The following RBM42 variants were observed in gnomAD, a reference collection of about 807,000 sequenced individuals.
RBM42 encodes RNA-binding protein 42.
Under a neutral mutation model 41.4 loss-of-function variants are expected in RBM42, and 21 were observed. That is an observed-to-expected ratio of 0.51 (90% confidence interval 0.36 to 0.73). The LOEUF (loss-of-function observed/expected upper bound fraction) is 0.73. Among genes scored for constraint, RBM42 ranks in the 30% least tolerant of loss-of-function variants. RBM42 has a pLI of 0.00. For synonymous variants in RBM42, 272 were observed against 271.2 expected, an observed-to-expected ratio of 1.00 and a Z score of -0.03; for missense variants, 539 against 680.4, an observed-to-expected ratio of 0.79 and a Z score of 2.31.
chr19:35,629,314 T>C (rs756628401), intron 1 of RBM42, 33 bp downstream of exon 1: 1 of 1,496,186 alleles, frequency 6.7e-7, no homozygotes, highest in South Asian at 1.2e-5. Context: ...ATAAAAGTCG[T>C]CCCAGAGCCA....
intron 4 of RBM42, among the ~76,000 whole-genome samples, chr19:35,632,088 G>A (rs373910023): frequency 1.3e-5 from 2 of 152,184 alleles, no homozygotes; most frequent in African/African-American, 4.8e-5. Flanking sequence ...TTACTTGGAT[G>A]TAAAATTCTG....
intron 4 of RBM42, among the ~76,000 whole-genome samples, chr19:35,632,247 A>G (rs1421828021): frequency 6.6e-6 from 1 of 152,114 alleles, no homozygotes; most frequent in African/African-American, 2.4e-5. Flanking sequence ...TCCCCTGCCC[A>G]GCTTCCAACC....
At chr19:35,635,040 C>A (rs983277816) in intron 8 of RBM42, among the ~76,000 whole-genome samples, 2 of 151,896 alleles carry the variant, frequency 1.3e-5, no homozygotes, top group Non-Finnish European at 2.9e-5. Context: ...TTTGGCCAGG[C>A]ACGGTGGCTC....
At chr19:35,636,135 T>C (rs1372721658) in intron 8 of RBM42, among the ~76,000 whole-genome samples, 1 of 151,860 alleles carries the variant, frequency 6.6e-6, no homozygotes, top group Admixed American at 6.6e-5. Flanking sequence ...AGCCTGGTTT[T>C]GTTTTGTTTC....
In RBM42 at chr19:35,634,312, G is replaced by A; in HGVS notation, c.1074G>A (p.Arg358=). The part of the protein sequence containing the change: ...KKKGKPEKLK[R]CIRTAAGSSW... ...AGGGGAAGCCAGAGAAATTGAAACG[G>A]TGCATTCGCACAGCGGCAGGGAGCA... The change falls in exon 8 of 10, where the codon CGG becomes CGA. Residue 358 remains arginine (R), a synonymous_variant. Transcript: ENST00000262633. 1 of 1,614,218 alleles carries A rather than the reference G, an allele frequency of 6.2e-7. No individual in the cohort carries two copies.
At chr19:35,636,309 C>T (rs555620484) in intron 8 of RBM42, among the ~76,000 whole-genome samples, 2 of 152,210 alleles carry the variant, frequency 1.3e-5, no homozygotes, top group Admixed American at 6.5e-5. Flanking sequence ...CAGGCACCCA[C>T]CACCACACCC....
intron 8 of RBM42, among the ~76,000 whole-genome samples, chr19:35,635,835 T>C (rs1239489506): frequency 6.6e-6 from 1 of 152,164 alleles, no homozygotes; most frequent in East Asian, 1.9e-4. Context: ...TATATCTTAA[T>C]AAGAACGGTC....
At chr19:35,634,217 A>G (rs770283951) in intron 7 of RBM42, 39 bp from the exon 8 acceptor site, 4 of 1,601,284 alleles carry the variant, frequency 2.5e-6, no homozygotes, top group Non-Finnish European at 3.4e-6. Flanking sequence ...GGGAGACCCC[A>G]ATACCAACCC....
chr19:35,633,863 C>G lies in RBM42; in HGVS notation c.861C>G (p.Ala287=). Residue 287 remains alanine, a synonymous_variant, in exon 7 of 10, where the codon GCC becomes GCG. Transcript: ENST00000262633. ...TCATTGGGCCCAGCCTGCCGCTGGC[C>G]CTGGCCATGCCATTGCCCGAGCCTG... ...PAVIGPSLPL[A]LAMPLPEPEP... 1.3e-6 allele frequency: 2 copies of G among 1,586,556 alleles called. No homozygotes were observed. Among genetic ancestry groups the G allele is most frequent in the Non-Finnish European group, 1.7e-6 (2 of 1,170,138 alleles).
chr19:35,637,036 A>T lies in RBM42; in HGVS notation c.1136-122A>T, dbSNP rs767852642. ...GGCGCAGGGTCAGTAGGTGTTGACC[A>T]TTATTACTAAGAGGTCCCTAGGCAG... On this transcript the variant is annotated intron_variant, in intron 8 of 9. Transcript: ENST00000262633. The surrounding 1 kb of genome is among the most constrained non-coding windows in gnomAD (Gnocchi z 7.0). 5 of 893,382 alleles carry T rather than the reference A, an allele frequency of 5.6e-6. No homozygotes were observed. The highest frequency in any genetic ancestry group is 2.7e-5 in the Admixed American group (1 of 36,852). The allele number at this position is 893,382 out of a possible 1,614,324, so 55.3% of individuals were successfully genotyped here. A position where few individuals can be genotyped will look rare whatever the true frequency, so the allele number is the denominator to read the frequency against.
In RBM42 at chr19:35,633,981, C is replaced by CCCCAGG. The variant is rs1236548099; in HGVS notation, c.980_981insCCAGGC (p.Pro327_Arg328insGlnAla). ...GTCCCTGCGTCCTCGGCCCCGGCCCCCTCGGCCAGAGCCACCCCCAGGCCT... is the reference window on the plus strand; with the variant it reads ...GTCCCTGCGTCCTCGGCCCCGGCCCCCCCAGGCTCGGCCAGAGCCACCCCCAGGCCT... On this transcript the variant is annotated inframe_insertion, in exon 7 of 10. Coordinates refer to ENST00000262633, the MANE Select transcript of RBM42 (RefSeq NM_024321.5). The CCCCAGG allele has an allele frequency of 5.9e-6, 9 of 1,536,466 alleles. No homozygotes were observed. Among genetic ancestry groups the CCCCAGG allele is most frequent in the Non-Finnish European group, 7.8e-6 (9 of 1,146,816 alleles).
At chr19:35,631,718 C>T in intron 4 of RBM42, 1 of 406,362 alleles carries the variant, frequency 2.5e-6, no homozygotes, top group Non-Finnish European at 4.5e-6. Context: ...ATAAAAGCTC[C>T]ATGAGGGGCA....
chr19:35,629,709 C>G (rs765537867), intron 2 of RBM42, 36 bp downstream of exon 2: 1 of 1,609,926 alleles, frequency 6.2e-7, no homozygotes, highest in South Asian at 1.1e-5. Context: ...TCAGGGAACA[C>G]AATGCCTCGA....
chr19:35,629,956 A>G (rs1036829886), intron 2 of RBM42, among the ~76,000 whole-genome samples: 1 of 152,180 alleles, frequency 6.6e-6, no homozygotes, highest in Non-Finnish European at 1.5e-5. Context: ...CATTAGTCAC[A>G]TTTCAAGTGC....
Position 35,633,018 on chromosome 19 carries a change from A to G in RBM42, c.508+17A>G. The G allele has an allele frequency of 6.2e-7, 1 of 1,604,934 alleles. No homozygotes were observed. Among genetic ancestry groups the G allele is most frequent in the Non-Finnish European group, 8.5e-7 (1 of 1,171,778 alleles). Reference sequence around the variant, plus strand: ...AGAGAGCAGGTGAGGGGCCAGGGTCATCATCCCTGCCACATAACTCCCCCC... The same window carrying G: ...AGAGAGCAGGTGAGGGGCCAGGGTCGTCATCCCTGCCACATAACTCCCCCC... On this transcript the variant is annotated intron_variant, in intron 5 of 9. Transcript: ENST00000262633.
At chr19:35,636,631 G>A (rs192248165) in intron 8 of RBM42, among the ~76,000 whole-genome samples, 1 of 152,342 alleles carries the variant, frequency 6.6e-6, no homozygotes, top group East Asian at 1.9e-4. Context: ...TCTCAAGGGG[G>A]AGTTAGGGCA....
chr19:35,630,577 CCAACATGGT>C (rs2146348633), intron 2 of RBM42, among the ~76,000 whole-genome samples: 1 of 152,278 alleles, frequency 6.6e-6, no homozygotes, highest in African/African-American at 2.4e-5. Flanking sequence ...ACCAACCTGG[CCAACATGGT>C]GCAACCCCGT....
Position 35,633,894 on chromosome 19 carries a change from CT to C in RBM42, c.893del (p.Leu298ArgfsTer59). 1 of 1,595,892 alleles carries C rather than the reference CT, an allele frequency of 6.3e-7. No homozygotes were observed. Among genetic ancestry groups the C allele is most frequent in the Non-Finnish European group, 8.5e-7 (1 of 1,175,162 alleles). On this transcript the variant is annotated frameshift_variant, in exon 7 of 10. Coordinates refer to ENST00000262633, the MANE Select transcript of RBM42 (RefSeq NM_024321.5). LOFTEE classifies it high-confidence loss of function. ...LAMPLPEPEPLPLPLEVVRGL... is the reference protein window; with the variant it reads ...LAMPLPEPEPXPLPLEVVRGL... ...CATGCCATTGCCCGAGCCTGAGCCC[CT>C]GCCCCTCCCGTTGGAGGTCGTCCGC... is the stretch of plus-strand genomic sequence containing the variant.
At position 35,629,536 on chromosome 19, in the gene RBM42, C is replaced by T; in HGVS notation, c.145C>T (p.Leu49=). The change falls in exon 2 of 10, where the codon CTG becomes TTG. Residue 49 remains leucine, a synonymous_variant. Coordinates refer to ENST00000262633, the MANE Select transcript of RBM42 (RefSeq NM_024321.5). ...CTCCTCCAGGTTTGAGCAGGAAGTT[C>T]TGGGGGCTCCAGTACCTGGAATCCC... The part of the protein sequence containing the change: ...AEMALFEQEV[L]GAPVPGIPTA... 6.2e-7 allele frequency: 1 copy of T among 1,614,230 alleles called. No individual in the cohort carries two copies. Among genetic ancestry groups the T allele is most frequent in the Non-Finnish European group, 8.5e-7 (1 of 1,180,040 alleles).
Sources: allele counts gnomAD v4.1 joint callset (sites outside exome capture counted in the v4.1 genomes callset), GRCh38; gene constraint gnomAD v4.1.1; non-coding constraint Gnocchi (gnomAD v3.1); transcripts MANE v1.5; gene names NCBI Gene and HGNC (gene_info 2026-07-23, HGNC 2026-07-21).